TESPA1: variants seen among roughly 807,000 people sequenced by gnomAD.
The protein encoded by TESPA1 is protein TESPA1.
In TESPA1, 33 loss-of-function variants were observed where a neutral mutation model predicts 57.9. The ratio of observed to expected loss-of-function variants is 0.57; its 90% CI spans 0.43 to 0.76. The LOEUF (loss-of-function observed/expected upper bound fraction) is 0.76. TESPA1 is among the 30% of genes least tolerant of loss of function. TESPA1 has a pLI of 0.00. For synonymous variants in TESPA1, 227 were observed against 228.9 expected, an observed-to-expected ratio of 0.99 and a Z score of 0.07; for missense variants, 618 against 632.9, an observed-to-expected ratio of 0.98 and a Z score of 0.25.
intron 1 of TESPA1, among the ~76,000 whole-genome samples, chr12:54,979,154 G>A (rs1017504745): frequency 1.3e-5 from 2 of 152,106 alleles, no homozygotes; most frequent in Non-Finnish European, 2.9e-5. Context: ...ATAACATAAG[G>A]TCACCCAAGT....
intron 1 of TESPA1, among the ~76,000 whole-genome samples, chr12:54,981,093 A>AT (rs1478995711): frequency 6.6e-6 from 1 of 151,906 alleles, no homozygotes. Context: ...TCTATACCTA[A>AT]TTTTCTTCAT....
intron 1 of TESPA1, chr12:54,983,935 A>C (rs1034616344): frequency 6.6e-6 from 1 of 152,224 alleles, no homozygotes; most frequent in Non-Finnish European, 1.5e-5. Context: ...GAACCCTGAA[A>C]TCTGGTCCTG....
intron 3 of TESPA1, among the ~76,000 whole-genome samples, chr12:54,971,802 C>T (rs746549740): frequency 6.6e-6 from 1 of 152,054 alleles, no homozygotes; most frequent in Non-Finnish European, 1.5e-5. Context: ...TTCCTTCTTC[C>T]AGGTAATCAC....
At chr12:54,962,410 C>G (rs1319844079) in intron 9 of TESPA1, 21 bp downstream of exon 9, 1 of 1,603,310 alleles carries the variant, frequency 6.2e-7, no homozygotes. Context: ...CCAGTCTCTC[C>G]CTCACCTCCA....
chr12:54,962,454 G>C lies in TESPA1; in HGVS notation c.1444C>G (p.Gln482Glu). 3 of 1,611,834 alleles carry C rather than the reference G, an allele frequency of 1.9e-6. No individual in the cohort carries two copies. The highest frequency in any genetic ancestry group is 2.5e-6 in the Non-Finnish European group (3 of 1,179,492). ...ACCTCCTCCAAGTCAAAAGTGTCCT[G>C]TGGCTGCTGGCTTAAAGACCGACGC... ...ELRRSLSQQP[Q>E]DTFDLEEVQS... Residue 482 changes from glutamine to glutamate, a missense_variant, in exon 9 of 11, where the codon CAG (glutamine) becomes GAG (glutamate). Gln to Glu is a conservative substitution (Grantham distance 29). Coordinates refer to ENST00000449076, the MANE Select transcript of TESPA1 (RefSeq NM_001136030.3).
At chr12:54,984,059 A>G (rs1952413925) in intron 1 of TESPA1, 1 of 152,182 alleles carries the variant, frequency 6.6e-6, no homozygotes, top group Non-Finnish European at 1.5e-5. Context: ...GTTTATCTCA[A>G]CAAGTTTCTT....
chr12:54,980,620 T>A (rs1461174964), intron 1 of TESPA1, among the ~76,000 whole-genome samples: 1 of 152,174 alleles, frequency 6.6e-6, no homozygotes, highest in Non-Finnish European at 1.5e-5. Flanking sequence ...GCTGGGCTGG[T>A]CATGGGCACT....
intron 1 of TESPA1, among the ~76,000 whole-genome samples, chr12:54,982,381 T>C (rs984933103): frequency 6.6e-6 from 1 of 152,206 alleles, no homozygotes; most frequent in Non-Finnish European, 1.5e-5. Flanking sequence ...AAAATGCCCA[T>C]TAGTCAATAG....
At position 54,950,200 on chromosome 12, in the gene TESPA1, C is replaced by A. The variant is rs754243427; in HGVS notation, c.*192G>T. 2.2e-6 allele frequency: 1 copy of A among 449,300 alleles called. No homozygotes were observed. The highest frequency in any genetic ancestry group is 4.5e-6 in the Non-Finnish European group (1 of 223,756). The allele number at this position is 449,300 out of a possible 1,614,324, so 27.8% of individuals were successfully genotyped here. ...TGTGGCAGCATTAGGATGTGGATTC[C>A]AAATCGCTCAGTCTGGTCTTCCTCC... On this transcript the variant is annotated 3_prime_UTR_variant, in exon 11 of 11. Transcript: ENST00000449076.
intron 5 of TESPA1, 27 bp downstream of exon 5, chr12:54,967,156 C>T: frequency 6.2e-7 from 1 of 1,612,182 alleles, no homozygotes; most frequent in Non-Finnish European, 8.5e-7. Flanking sequence ...TTTTCTCATC[C>T]CAACCTCAGA....
At chr12:54,978,339 C>T (rs1017027479) in intron 1 of TESPA1, among the ~76,000 whole-genome samples, 4 of 152,062 alleles carry the variant, frequency 2.6e-5, no homozygotes, top group African/African-American at 4.8e-5. Flanking sequence ...TTTTTTATTA[C>T]GGTTTCAGTT....
intron 4 of TESPA1, 50 bp downstream of exon 4, chr12:54,967,793 A>G (rs1430155419): frequency 6.2e-7 from 1 of 1,604,648 alleles, no homozygotes; most frequent in South Asian, 1.1e-5. Context: ...ACGCACAGGT[A>G]TATCACTCTC....
intron 10 of TESPA1, among the ~76,000 whole-genome samples, chr12:54,953,303 A>ATCT (rs1950512320): frequency 6.6e-6 from 1 of 151,986 alleles, no homozygotes; most frequent in Non-Finnish European, 1.5e-5. Flanking sequence ...TTCAGTTTTG[A>ATCT]TCTTTCTCCA....
At chr12:54,954,988 T>C (rs1950642583) in intron 10 of TESPA1, among the ~76,000 whole-genome samples, 1 of 152,210 alleles carries the variant, frequency 6.6e-6, no homozygotes, top group Admixed American at 6.5e-5. Flanking sequence ...AGTTCCACTT[T>C]TTATTTTTTG....
intron 10 of TESPA1, among the ~76,000 whole-genome samples, chr12:54,959,009 C>G (rs1479696631): frequency 6.6e-6 from 1 of 152,282 alleles, no homozygotes; most frequent in Admixed American, 6.5e-5. Context: ...TTAACGTTTT[C>G]TCTGTTTCTT....
chr12:54,974,536 TG>T lies in TESPA1; in HGVS notation c.26del (p.Thr9AsnfsTer21). MEASVLSPTSWEKRRAWLR... is the reference protein window; with the variant it reads MEASVLSPXSWEKRRAWLR... ...GCCAGGCCCGCCGTTTCTCCCAGGA[TG>T]TGGGGCTCAGCACAGAGGCCTCCAT... On this transcript the variant is annotated frameshift_variant, in exon 2 of 11. Coordinates refer to ENST00000449076, the MANE Select transcript of TESPA1 (RefSeq NM_001136030.3). LOFTEE classifies it high-confidence loss of function. 6.3e-7 allele frequency: 1 copy of T among 1,599,334 alleles called. No individual in the cohort carries two copies. Among genetic ancestry groups the T allele is most frequent in the Non-Finnish European group, 8.5e-7 (1 of 1,172,818 alleles).
chr12:54,955,024 G>A (rs1333919925), intron 10 of TESPA1, among the ~76,000 whole-genome samples: 1 of 152,162 alleles, frequency 6.6e-6, no homozygotes, highest in East Asian at 1.9e-4. Context: ...CTTTTCCATA[G>A]CCGTTGCACC....
intron 8 of TESPA1, 79 bp downstream of exon 8, chr12:54,963,663 G>C: frequency 6.8e-7 from 1 of 1,465,760 alleles, no homozygotes; most frequent in Non-Finnish European, 9.3e-7. Context: ...AGAGAAAGCA[G>C]GATTTGAAGC....
chr12:54,962,200 T>A (rs1951120519), intron 9 of TESPA1, among the ~76,000 whole-genome samples: 1 of 152,172 alleles, frequency 6.6e-6, no homozygotes, highest in Non-Finnish European at 1.5e-5. Flanking sequence ...TAAATGGCAA[T>A]CAGATCAGGT....
Sources: allele counts gnomAD v4.1 joint callset (sites outside exome capture counted in the v4.1 genomes callset), GRCh38; gene constraint gnomAD v4.1.1; transcripts MANE v1.5; gene names NCBI Gene and HGNC (gene_info 2026-07-23, HGNC 2026-07-21).